Variants in ABCB4 observed in about 807,000 individuals in gnomAD.
ABCB4 encodes the protein ATP binding cassette subfamily B member 4.
Under a neutral mutation model 145.7 loss-of-function variants are expected in ABCB4, and 76 were observed. That is an observed-to-expected ratio of 0.52 (90% confidence interval 0.43 to 0.63). The LOEUF (loss-of-function observed/expected upper bound fraction) is 0.63, where lower values mean the gene tolerates loss of function less well. Ranked by LOEUF, ABCB4 falls within the 30% of genes least tolerant of loss-of-function variation. The probability of loss-of-function intolerance (pLI) is 0.00; values close to 1 mark genes in which losing one functional copy is unlikely to be tolerated. For synonymous variants in ABCB4, 517 were observed against 566.8 expected, an observed-to-expected ratio of 0.91 and a Z score of 1.25; for missense variants, 1,234 against 1,553.1, an observed-to-expected ratio of 0.79 and a Z score of 3.45.
the ABCB4 span, chr7:87,391,774 T>C: frequency 6.6e-7 from 1 of 1,517,858 alleles, no homozygotes; most frequent in African/African-American, 1.4e-5. Flanking sequence ...GGAACCGTGG[T>C]CTTTGAGTAA....
At chr7:87,373,209 C>A in the ABCB4 span, among the ~76,000 whole-genome samples, 2 of 152,092 alleles carry the variant, frequency 1.3e-5, no homozygotes, top group Non-Finnish European at 2.9e-5. Flanking sequence ...GATTTTTTCA[C>A]ATGCATTTTG....
At chr7:87,467,856 A>G (rs989460705) in intron 3 of ABCB4, among the ~76,000 whole-genome samples, 5 of 152,260 alleles carry the variant, frequency 3.3e-5, no homozygotes, top group African/African-American at 1.2e-4. Flanking sequence ...ATGAGAACAA[A>G]GACACAACAT....
At chr7:87,469,238 C>T (rs1813179878) in intron 3 of ABCB4, among the ~76,000 whole-genome samples, 1 of 152,094 alleles carries the variant, frequency 6.6e-6, no homozygotes, top group Non-Finnish European at 1.5e-5. Context: ...ATAATAAGAG[C>T]TATTTATGAC....
At chr7:87,407,163 T>C (rs1331076329) in intron 25 of ABCB4, among the ~76,000 whole-genome samples, 1 of 152,100 alleles carries the variant, frequency 6.6e-6, no homozygotes, top group East Asian at 1.9e-4. Context: ...TACTTGAAAA[T>C]ACAGCCTCGT....
intron 7 of ABCB4, among the ~76,000 whole-genome samples, chr7:87,450,499 C>T (rs1166083683): frequency 7.8e-6 from 1 of 128,416 alleles, no homozygotes; most frequent in African/African-American, 3.2e-5. Flanking sequence ...GAGACGGGGT[C>T]TCACTCTGTT....
chr7:87,452,151 C>A (rs1342670200), intron 6 of ABCB4, among the ~76,000 whole-genome samples: 1 of 152,132 alleles, frequency 6.6e-6, no homozygotes, highest in Non-Finnish European at 1.5e-5. Context: ...TACTGCATTT[C>A]TTCTTATAGG....
At chr7:87,380,395 G>GCCTATTTTATAAACCTGAAGTCAACTA in the ABCB4 span, among the ~76,000 whole-genome samples, 3 of 151,362 alleles carry the variant, frequency 2.0e-5, no homozygotes, top group Non-Finnish European at 4.4e-5. Flanking sequence ...TAGATCCTTG[G>GCCTATTTTATAAACCTGAAGTCAACTA]TAAGTACTGT....
the ABCB4 span, chr7:87,382,041 G>T: frequency 3.2e-6 from 5 of 1,574,522 alleles, no homozygotes; most frequent in East Asian, 1.1e-4. Context: ...TAGTTCTATA[G>T]ATAAAATATT....
intron 15 of ABCB4, among the ~76,000 whole-genome samples, chr7:87,431,156 G>T (rs1810189052): frequency 6.6e-6 from 1 of 152,096 alleles, no homozygotes; most frequent in African/African-American, 2.4e-5. Context: ...CTTTTAGTTT[G>T]ACCACATTCC....
the ABCB4 span, among the ~76,000 whole-genome samples, chr7:87,372,927 G>A: frequency 6.6e-6 from 1 of 151,990 alleles, no homozygotes; most frequent in Non-Finnish European, 1.5e-5. Context: ...TATTCATAAT[G>A]CTGCCGTGAC....
intron 2 of ABCB4, among the ~76,000 whole-genome samples, chr7:87,473,699 C>T (rs935987230): frequency 7.9e-5 from 12 of 151,398 alleles, no homozygotes; most frequent in Admixed American, 2.0e-4. Context: ...GTCTGTCCTC[C>T]GTACTATAAT....
chr7:87,474,913 A>G (rs534850016), intron 2 of ABCB4, among the ~76,000 whole-genome samples: 11 of 152,262 alleles, frequency 7.2e-5, no homozygotes, highest in South Asian at 2.1e-4. Flanking sequence ...GGGAGGGGTA[A>G]GACAAGGAGG....
At chr7:87,382,260 A>G in the ABCB4 span, 1 of 1,425,966 alleles carries the variant, frequency 7.0e-7, no homozygotes. Context: ...CTGTCATCCA[A>G]GCATGTCTGC....
chr7:87,430,869 C>T (rs1022396565), intron 15 of ABCB4, among the ~76,000 whole-genome samples: 2 of 152,058 alleles, frequency 1.3e-5, no homozygotes, highest in African/African-American at 4.8e-5. Context: ...TTCCTAGAGC[C>T]ACAAATCTTG....
At position 87,439,840 on chromosome 7, in the gene ABCB4, AAC is replaced by A. The variant is rs761808514; in HGVS notation, c.1561-5_1561-4del. 2.5e-6 allele frequency: 4 copies of A among 1,614,072 alleles called. No homozygotes were observed. Among genetic ancestry groups the A allele is most frequent in the Non-Finnish European group, 3.4e-6 (4 of 1,180,040 alleles). On this transcript the variant is annotated splice_polypyrimidine_tract_variant and splice_region_variant and intron_variant, in intron 13 of 27. Transcript: ENST00000649586. ...TCTCCAACCAGGGTGTCAAATTTCT[AAC>A]ACAGAAAACATGGATCAGCTCTTGA... is the stretch of plus-strand genomic sequence containing the variant.
the ABCB4 span, among the ~76,000 whole-genome samples, chr7:87,380,883 A>G: frequency 1.3e-5 from 2 of 152,224 alleles, no homozygotes; most frequent in Non-Finnish European, 2.9e-5. Flanking sequence ...ACTGTTAGAA[A>G]ATGGGTTTGT....
At chr7:87,425,911 T>C (rs890147755) in intron 16 of ABCB4, among the ~76,000 whole-genome samples, 2 of 152,028 alleles carry the variant, frequency 1.3e-5, no homozygotes, top group African/African-American at 4.8e-5. Context: ...ATAAATAAAA[T>C]TATTTGTTAA....
chr7:87,461,850 G>C (rs2116891248), intron 4 of ABCB4, among the ~76,000 whole-genome samples: 1 of 152,294 alleles, frequency 6.6e-6, no homozygotes, highest in African/African-American at 2.4e-5. Context: ...GTAGTTCTCA[G>C]TCAGTGAACA....
intron 19 of ABCB4, 87 bp from the exon 20 acceptor site, chr7:87,418,707 A>T: frequency 1.6e-6 from 2 of 1,257,932 alleles, no homozygotes; most frequent in Non-Finnish European, 2.3e-6. Flanking sequence ...TCCAATGCTG[A>T]GGAAATTTAG....
Sources: gnomAD v4.1 joint callset for allele counts (sites outside exome capture counted in the v4.1 genomes callset) on GRCh38, gnomAD v4.1.1 for gene constraint, MANE v1.5 for transcripts, NCBI Gene and HGNC (gene_info 2026-07-23, HGNC 2026-07-21) for gene names.